Variants in ZNF200 observed in about 807,000 individuals in gnomAD.
The protein encoded by ZNF200 is zinc finger protein 200.
A neutral mutation model predicts 33.6 loss-of-function variants in ZNF200; 35 were observed. The observed-to-expected ratio is 1.04, with a 90% CI of 0.80 to 1.38. The LOEUF (loss-of-function observed/expected upper bound fraction) is 1.38. ZNF200 is among the 40% of genes most tolerant of loss of function. The pLI is 0.00. For synonymous variants in ZNF200, 209 were observed against 167.7 expected (o/e 1.25, Z -1.90); for missense variants, 592 against 470.6 (o/e 1.26, Z -2.39).
Position 3,232,328 on chromosome 16 carries a change from C to G in ZNF200, c.466+93G>C, listed in dbSNP as rs78755967. On this transcript the variant is annotated intron_variant, in intron 4 of 4. Transcript: ENST00000414144. Reference sequence around the variant, plus strand: ...AAATGTGTGTGTGCACATAGGCTTACCAGGTGTGAATCGTCCCCCAAAGCT... The same window carrying G: ...AAATGTGTGTGTGCACATAGGCTTAGCAGGTGTGAATCGTCCCCCAAAGCT... The G allele has an allele frequency of 1.2e-3, 1,717 of 1,390,602 alleles. 12 individuals are homozygous for G. In the African/African-American group the frequency reaches 0.019, roughly 16 times the overall value. 86.1% of individuals were successfully genotyped at this position (1,390,602 alleles called of 1,614,324 possible). A position where few individuals can be genotyped will look rare whatever the true frequency, so the allele number is the denominator to read the frequency against.
intron 4 of ZNF200, chr16:3,225,777 G>T (rs1204791955): frequency 6.6e-6 from 1 of 151,974 alleles, no homozygotes; most frequent in Non-Finnish European, 1.5e-5. Context: ...TGTGACAAGG[G>T]ACCCCTCAAC....
intron 4 of ZNF200, among the ~76,000 whole-genome samples, chr16:3,229,464 C>T (rs1312556082): frequency 1.3e-5 from 2 of 151,870 alleles, no homozygotes; most frequent in Admixed American, 6.6e-5. Flanking sequence ...CAAAAATAAA[C>T]CAATTTCCAT....
intron 2 of ZNF200, among the ~76,000 whole-genome samples, chr16:3,233,196 T>C (rs529674655): frequency 1.7e-4 from 26 of 152,322 alleles, no homozygotes; most frequent in African/African-American, 6.0e-4. Flanking sequence ...AGTGTGAAGA[T>C]GCCCAGAAAA....
rs1481411853 is a variant in ZNF200, at chr16:3,233,775, C to T, written c.-20G>A. 1 of 1,592,068 alleles carries T rather than the reference C, an allele frequency of 6.3e-7. No homozygotes were observed. The highest frequency in any genetic ancestry group is 8.6e-7 in the Non-Finnish European group (1 of 1,167,902). ...CATCATGCCTTGCAACCACACACCACACTCGTTTCGCGGGGCCTCCAGAGC... is the reference window on the plus strand; with the variant it reads ...CATCATGCCTTGCAACCACACACCATACTCGTTTCGCGGGGCCTCCAGAGC... On this transcript the variant is annotated 5_prime_UTR_variant, in exon 2 of 5. In the 5' UTR this introduces an upstream ATG that the reference lacks. Transcript: ENST00000414144.
intron 4 of ZNF200, among the ~76,000 whole-genome samples, chr16:3,232,040 C>G (rs1291874096): frequency 2.6e-5 from 4 of 152,186 alleles, no homozygotes; most frequent in African/African-American, 9.7e-5. Flanking sequence ...GGCTAGTAGT[C>G]TTCACATCTA....
At position 3,223,992 on chromosome 16, in the gene ZNF200, G is replaced by C. The variant is rs772165356; in HGVS notation, c.1088C>G (p.Pro363Arg). Residue 363 changes from proline (P) to arginine (R), a missense_variant, in exon 5 of 5, where the codon CCA (proline) becomes CGA (arginine). Transcript: ENST00000414144. Reference sequence around the variant, plus strand: ...TCTCCCACATTTTTTGCAACCATATGGTCTCTCAGCCTCATGACTCTGCAG... The same window carrying C: ...TCTCCCACATTTTTTGCAACCATATCGTCTCTCAGCCTCATGACTCTGCAG... ...LHLQSHEAER[P>R]YGCKKCGRRF... The C allele has an allele frequency of 1.4e-5, 23 of 1,613,966 alleles. 1 individual carries two copies. The South Asian group carries it at 2.5e-4, about 18-fold the overall frequency.
At chr16:3,227,984 C>T (rs947884253) in intron 4 of ZNF200, among the ~76,000 whole-genome samples, 1 of 151,924 alleles carries the variant, frequency 6.6e-6, no homozygotes, top group African/African-American at 2.4e-5. Flanking sequence ...ATTAATAAAT[C>T]AACAAGAGGA....
rs371227621 is a variant in ZNF200, at chr16:3,224,595, G to A, written c.485C>T (p.Pro162Leu). 4.4e-6 allele frequency: 7 copies of A among 1,599,642 alleles called. No individual in the cohort carries two copies. The highest frequency in any genetic ancestry group is 6.0e-6 in the Non-Finnish European group (7 of 1,171,388). ...MMLLAVNGSN[P>L]EGEDPEREPV... is the part of the protein sequence containing the mutation. ...TTCCCTCTCAGGATCTTCACCTTCAGGATTACTGCCATTGACTGCTGAAAC... is the reference window on the plus strand; with the variant it reads ...TTCCCTCTCAGGATCTTCACCTTCAAGATTACTGCCATTGACTGCTGAAAC... The change falls in exon 5 of 5, where the codon CCT (proline) becomes CTT (leucine). Residue 162 changes from proline to leucine, a missense_variant. Transcript: ENST00000414144.
Position 3,223,934 on chromosome 16 carries a change from A to G in ZNF200, c.1146T>C (p.His382=), listed in dbSNP as rs775764257. 11 of 1,613,814 alleles carry G rather than the reference A, an allele frequency of 6.8e-6. No individual in the cohort carries two copies. In the Admixed American group the frequency reaches 1.8e-4, roughly 27 times the overall value. ...RFGRLSNCTR[H]EKTHSACKTR... ...TCTTACAGGCTGAGTGGGTTTTCTC[A>G]TGCCGGGTACAGTTTGACAGCCGAC... is the stretch of plus-strand genomic sequence containing the variant. Residue 382 remains histidine (H), a synonymous_variant, in exon 5 of 5, where the codon CAT becomes CAC. Transcript: ENST00000414144.
chr16:3,225,461 A>C (rs1958443027), intron 4 of ZNF200: 1 of 152,188 alleles, frequency 6.6e-6, no homozygotes, highest in Non-Finnish European at 1.5e-5. Flanking sequence ...AAAAAAGTTT[A>C]TTATTTGGCA....
intron 1 of ZNF200, 191 bp from the exon 2 acceptor site, chr16:3,234,027 A>C (rs1958721607): frequency 3.0e-6 from 1 of 332,904 alleles, no homozygotes; most frequent in Non-Finnish European, 5.4e-6. Context: ...CCTGAGAATG[A>C]AAAACAGAGA....
intron 4 of ZNF200, among the ~76,000 whole-genome samples, chr16:3,229,266 C>A (rs934309505): frequency 4.6e-5 from 7 of 151,856 alleles, no homozygotes; most frequent in African/African-American, 1.7e-4. Context: ...TATGGTATAA[C>A]CTAAAGTGAT....
Position 3,233,836 on chromosome 16 carries a change from G to C in ZNF200, c.-81C>G. 1 of 1,517,876 alleles carries C rather than the reference G, an allele frequency of 6.6e-7. No homozygotes were observed. The highest frequency in any genetic ancestry group is 8.8e-7 in the Non-Finnish European group (1 of 1,134,904). 94.0% of individuals were successfully genotyped at this position (1,517,876 alleles called of 1,614,324 possible). A position where few individuals can be genotyped will look rare whatever the true frequency, so the allele number is the denominator to read the frequency against. ...TAGAGGAAATCTGCCAGAGAGCCAAGCTGTAGACAGAGAAACCAGGGATTA... is the reference window on the plus strand; with the variant it reads ...TAGAGGAAATCTGCCAGAGAGCCAACCTGTAGACAGAGAAACCAGGGATTA... On this transcript the variant is annotated splice_region_variant and 5_prime_UTR_variant, in exon 2 of 5. Transcript: ENST00000414144.
At position 3,233,497 on chromosome 16, in the gene ZNF200, G is replaced by A. The variant is rs140678937; in HGVS notation, c.250+9C>T. 361 of 1,513,136 alleles carry A rather than the reference G, an allele frequency of 2.4e-4. No individual in the cohort carries two copies. Among genetic ancestry groups the A allele is most frequent in the Non-Finnish European group, 2.9e-4 (328 of 1,132,542 alleles). The allele number at this position is 1,513,136 out of a possible 1,614,324, so 93.7% of individuals were successfully genotyped here. Reference sequence around the variant, plus strand: ...TCCTCTTCTAGTGAAACAAGCATGTGCTTCTCACCTCTGTTCTGAAGGCTT... The same window carrying A: ...TCCTCTTCTAGTGAAACAAGCATGTACTTCTCACCTCTGTTCTGAAGGCTT... On this transcript the variant is annotated intron_variant, in intron 2 of 4. Transcript: ENST00000414144.
rs1408694774 is a variant in ZNF200, at chr16:3,233,544, A to T, written c.212T>A (p.Val71Asp). Residue 71 changes from valine (V) to aspartate (D), a missense_variant, in exon 2 of 5, where the codon GTT becomes GAT. Coordinates refer to ENST00000414144, the MANE Select transcript of ZNF200 (RefSeq NM_198088.3). ...GCTTGAGCTCACATCTTTCATAATA[A>T]CCAAGGTCTCCTTGACTTTCTGACT... Reference protein sequence around the residue: ...QPSQKVKETLVIMKDVSSSLQ... With the variant: ...QPSQKVKETLDIMKDVSSSLQ... 1 of 1,586,336 alleles carries T rather than the reference A, an allele frequency of 6.3e-7. No homozygotes were observed. The highest frequency in any genetic ancestry group is 1.1e-5 in the South Asian group (1 of 87,294).
Position 3,224,554 on chromosome 16 carries a change from C to T in ZNF200, c.526G>A (p.Asp176Asn). ...DPEREPVENEDYREKSSDDDE... is the reference protein window; with the variant it reads ...DPEREPVENENYREKSSDDDE... ...TCATCTGAAGACTTTTCTCTATAATCTTCATTTTCTACAGGTTCCCTCTCA... is the reference window on the plus strand; with the variant it reads ...TCATCTGAAGACTTTTCTCTATAATTTTCATTTTCTACAGGTTCCCTCTCA... The change falls in exon 5 of 5, where the codon GAT becomes AAT. Residue 176 changes from aspartate to asparagine, a missense_variant. Asp to Asn is a conservative substitution (Grantham distance 23, BLOSUM62 1). Transcript: ENST00000414144. 1 of 1,612,698 alleles carries T rather than the reference C, an allele frequency of 6.2e-7. No individual in the cohort carries two copies. The highest frequency in any genetic ancestry group is 8.5e-7 in the Non-Finnish European group (1 of 1,179,118).
chr16:3,224,268 T>C lies in ZNF200; in HGVS notation c.812A>G (p.Gln271Arg), dbSNP rs1958409588. The C allele has an allele frequency of 2.5e-6, 4 of 1,614,036 alleles. No homozygotes were observed. The South Asian group carries it at 4.4e-5, about 18-fold the overall frequency. ...GGGTTTTTCTCCAGTGTGGGTCCTC[T>C]GGTGGGAAATGAGGTAAGAACTTTC... ...FNESSYLISH[Q>R]RTHTGEKPYD... The change falls in exon 5 of 5, where the codon CAG becomes CGG. Residue 271 changes from glutamine to arginine, a missense_variant. Transcript: ENST00000414144.
At chr16:3,230,042 T>C (rs1489846305) in intron 4 of ZNF200, among the ~76,000 whole-genome samples, 1 of 152,212 alleles carries the variant, frequency 6.6e-6, no homozygotes, top group Non-Finnish European at 1.5e-5. Context: ...CACCTCAAAA[T>C]AATAAGTGAT....
intron 4 of ZNF200, chr16:3,224,870 T>C (rs996776385): frequency 6.6e-5 from 31 of 466,502 alleles, no homozygotes; most frequent in African/African-American, 5.3e-4. Flanking sequence ...ATGTTTGTTC[T>C]CTTCATAGGT....
Sources: gnomAD v4.1 joint callset for allele counts (sites outside exome capture counted in the v4.1 genomes callset) on GRCh38, gnomAD v4.1.1 for gene constraint, MANE v1.5 for transcripts, NCBI Gene and HGNC (gene_info 2026-07-23, HGNC 2026-07-21) for gene names.